The following CYP4X1 variants were observed in gnomAD, a reference collection of about 807,000 sequenced individuals.
CYP4X1 encodes the protein cytochrome P450 family 4 subfamily X member 1.
A neutral mutation model predicts 57.9 loss-of-function variants in CYP4X1; 44 were observed. The ratio of observed to expected loss-of-function variants is 0.76; its 90% confidence interval spans 0.60 to 0.98. The LOEUF is 0.98. Ranked by LOEUF, CYP4X1 falls within the 50% of genes least tolerant of loss-of-function variation. The pLI, the probability that CYP4X1 is intolerant of heterozygous loss-of-function variation, is 0.00. For synonymous variants in CYP4X1, 227 were observed against 228.6 expected (o/e 0.99, Z 0.06); for missense variants, 532 against 623.9 (o/e 0.85, Z 1.57).
At position 47,050,123 on chromosome 1, in the gene CYP4X1, C is replaced by T. The variant is rs1644347282; in HGVS notation, c.1479C>T (p.Leu493=). Reference sequence around the variant, plus strand: ...TTACTTTCCCCAACCATTTTATCCTCAAGCCCAAGAATGGGATGTATTTGC... The same window carrying T: ...TTACTTTCCCCAACCATTTTATCCTTAAGCCCAAGAATGGGATGTATTTGC... ...RPLTFPNHFI[L]KPKNGMYLHL... The change falls in exon 12 of 12, where the codon CTC becomes CTT. Residue 493 remains leucine, a synonymous_variant. Coordinates refer to ENST00000371901, the MANE Select transcript of CYP4X1 (RefSeq NM_178033.2). 2 of 1,614,052 alleles carry T rather than the reference C, an allele frequency of 1.2e-6. No homozygotes were observed. Among genetic ancestry groups the T allele is most frequent in the East Asian group, 2.2e-5 (1 of 44,864 alleles).
the CYP4X1 span, among the ~76,000 whole-genome samples, chr1:46,963,146 T>A: frequency 1.3e-5 from 2 of 152,208 alleles, no homozygotes; most frequent in Non-Finnish European, 2.9e-5. Context: ...CCTATGTGTG[T>A]CTCCACATGT....
chr1:47,036,368 T>TATATATATATATATATATATATA (rs1553152512), intron 6 of CYP4X1, among the ~76,000 whole-genome samples, 197 bp downstream of exon 6: 1 of 75,652 alleles, frequency 1.3e-5, no homozygotes, highest in Non-Finnish European at 2.6e-5. Flanking sequence ...TTATCAGAAT[T>TATATATATATATATATATATATA]TTTATATATA....
chr1:46,967,820 C>T, the CYP4X1 span: 5 of 1,328,130 alleles, frequency 3.8e-6, no homozygotes, highest in African/African-American at 1.5e-5. Flanking sequence ...AGGGTCAGGG[C>T]CATGGCCACC....
At chr1:47,003,586 T>A in the CYP4X1 span, among the ~76,000 whole-genome samples, 1 of 151,086 alleles carries the variant, frequency 6.6e-6, no homozygotes, top group South Asian at 2.1e-4. Context: ...CCTAAGGGGG[T>A]TTTTACTCAT....
At chr1:46,983,565 G>A in the CYP4X1 span, among the ~76,000 whole-genome samples, 52 of 152,338 alleles carry the variant, frequency 3.4e-4, no homozygotes, top group African/African-American at 1.2e-3. Flanking sequence ...GTGGGGGCAG[G>A]GCGGCTGTGC....
the CYP4X1 span, among the ~76,000 whole-genome samples, chr1:46,962,440 T>G: frequency 6.6e-6 from 1 of 152,138 alleles, no homozygotes; most frequent in Non-Finnish European, 1.5e-5. Context: ...TCTGAATTGA[T>G]TCTGGGTTTC....
At chr1:46,989,075 A>G in the CYP4X1 span, among the ~76,000 whole-genome samples, 1 of 152,148 alleles carries the variant, frequency 6.6e-6, no homozygotes, top group East Asian at 1.9e-4. Flanking sequence ...AAAGAAATAA[A>G]AGGTATTCAA....
chr1:47,033,256 C>T lies in CYP4X1; in HGVS notation c.380C>T (p.Ala127Val). 6.2e-7 allele frequency: 1 copy of T among 1,613,636 alleles called. No individual in the cohort carries two copies. Among genetic ancestry groups the T allele is most frequent in the Non-Finnish European group, 8.5e-7 (1 of 1,179,770 alleles). Residue 127 changes from alanine (A) to valine (V), a missense_variant, in exon 4 of 12, where the codon GCT becomes GTT. Ala to Val is a moderately conservative substitution (Grantham distance 64, BLOSUM62 0). Coordinates refer to ENST00000371901, the MANE Select transcript of CYP4X1 (RefSeq NM_178033.2). Reference protein sequence around the residue: ...SPPLLGKGLAALDGPKWFQHR... With the variant: ...SPPLLGKGLAVLDGPKWFQHR... ...ATTTCTCAAGGAAAAGGACTAGCGG[C>T]TCTAGACGGACCCAAGTGGTTCCAG...
chr1:47,031,534 C>T, intron 3 of CYP4X1, 54 bp downstream of exon 3: 1 of 1,575,420 alleles, frequency 6.3e-7, no homozygotes, highest in Middle Eastern at 1.7e-4. Flanking sequence ...GTCCCCTTTC[C>T]ATAGTAGAGC....
the CYP4X1 span, among the ~76,000 whole-genome samples, chr1:47,013,287 A>AT: frequency 2.6e-5 from 4 of 152,196 alleles, no homozygotes; most frequent in Non-Finnish European, 5.9e-5. Flanking sequence ...CTTAGGATGC[A>AT]TTGGAGGCAC....
At chr1:47,021,169 G>T (rs1186038866), upstream of CYP4X1, among the ~76,000 whole-genome samples, 1 of 44,748 alleles carries the variant, frequency 2.2e-5, no homozygotes. Flanking sequence ...AAAAAAAAAA[G>T]GAAGGAGGCG....
the CYP4X1 span, among the ~76,000 whole-genome samples, chr1:46,978,684 A>G: frequency 1.3e-4 from 19 of 151,504 alleles, no homozygotes; most frequent in Non-Finnish European, 2.2e-4. Context: ...TCTTCTCAGG[A>G]CCACATCATA....
the CYP4X1 span, among the ~76,000 whole-genome samples, chr1:46,999,026 T>TTGTGTGTG: frequency 0.039 from 5,547 of 143,232 alleles, 379 homozygotes; most frequent in African/African-American, 0.14. Flanking sequence ...CTTGCTTTCT[T>TTGTGTGTG]TGTGTGTGTG....
Position 47,038,724 on chromosome 1 carries a change from G to A in CYP4X1, c.840G>A (p.Lys280=), listed in dbSNP as rs572767042. 1.4e-5 allele frequency: 22 copies of A among 1,611,406 alleles called. 1 individual carries two copies. Among genetic ancestry groups the A allele is most frequent in the South Asian group, 9.9e-5 (9 of 90,514 alleles). Residue 280 remains lysine, a synonymous_variant, in exon 7 of 12, where the codon AAG becomes AAA. Transcript: ENST00000371901. ...QAGVKQDNTP[K]RKYQDFLDIV... ...GGGTAAAGCAGGATAACACTCCGAA[G>A]AGGAAGTACCAGGATTTTCTGGATA...
the CYP4X1 span, among the ~76,000 whole-genome samples, chr1:47,004,691 T>A: frequency 6.6e-6 from 1 of 152,138 alleles, no homozygotes; most frequent in Non-Finnish European, 1.5e-5. Flanking sequence ...CTGCAGCCAC[T>A]CTTTTGTGTT....
At chr1:47,005,725 T>C in the CYP4X1 span, among the ~76,000 whole-genome samples, 4 of 152,230 alleles carry the variant, frequency 2.6e-5, no homozygotes, top group Admixed American at 2.6e-4. Flanking sequence ...AAATTATCGG[T>C]GGAACAAAAC....
At chr1:47,024,081 T>G in intron 1 of CYP4X1, 87 bp downstream of exon 1, 1 of 1,475,638 alleles carries the variant, frequency 6.8e-7, no homozygotes, top group Non-Finnish European at 9.1e-7. Context: ...AGACGCAGCT[T>G]TCTTCCATCC....
the CYP4X1 span, among the ~76,000 whole-genome samples, chr1:47,015,111 ATATC>A: frequency 2.0e-5 from 3 of 152,256 alleles, no homozygotes; most frequent in South Asian, 6.2e-4. Flanking sequence ...ACTGCTTTCC[ATATC>A]TATCTGTCTT....
the CYP4X1 span, among the ~76,000 whole-genome samples, chr1:47,016,945 C>T: frequency 6.6e-6 from 1 of 151,298 alleles, no homozygotes; most frequent in Non-Finnish European, 1.5e-5. Context: ...CAAGTGAGAA[C>T]ATGTGATGTT....
Sources: gnomAD v4.1 joint callset for allele counts (sites outside exome capture counted in the v4.1 genomes callset) on GRCh38, gnomAD v4.1.1 for gene constraint, MANE v1.5 for transcripts, NCBI Gene and HGNC (gene_info 2026-07-23, HGNC 2026-07-21) for gene names.